Variants in TCF24 observed in about 807,000 individuals in gnomAD.
TCF24 encodes transcription factor 24.
A neutral mutation model predicts 9.3 loss-of-function variants in TCF24; 5 were observed. The observed-to-expected ratio is 0.54, with a 90% confidence interval of 0.28 to 1.13. The LOEUF is 1.13. Ranked by LOEUF, TCF24 falls within the 50% of genes most tolerant of loss-of-function variation. The pLI, the probability that TCF24 is intolerant of heterozygous loss-of-function variation, is 0.09. For synonymous variants in TCF24, 110 were observed against 115.8 expected (o/e 0.95, Z 0.32); for missense variants, 220 against 236.1 (o/e 0.93, Z 0.45).
chr8:66,953,342 C>T lies in TCF24; in HGVS notation c.391-5178G>A, dbSNP rs1434867037. ...CTTGTCTGTAAAGTATTTTATTTCT[C>T]CTTCACTTATGAAGCTTAGTTTGGC... On this transcript the variant is annotated intron_variant, in intron 3 of 3. Transcript: ENST00000563496. Among the ~76,000 whole-genome samples the T allele has an allele frequency of 8.7e-5, 13 of 150,178 alleles. No individual in the cohort carries two copies. The East Asian group carries it at 2.4e-3, about 27-fold the overall frequency.
rs532470741 is a variant in TCF24 at position 66,948,138 on chromosome 8, G to A, written c.417C>T (p.Tyr139=). ...VKKWPMRSRL[Y]IGATGQFLKH... ...TCAGAAACTGACCAGTAGCACCGAT[G>A]TACAATCTTGATCGCATGGGCCATT... Residue 139 remains tyrosine, a synonymous_variant, in exon 4 of 4, where the codon TAC becomes TAT. Coordinates refer to ENST00000563496, the MANE Select transcript of TCF24 (RefSeq NM_001193502.2). 4.8e-4 allele frequency: 740 copies of A among 1,533,398 alleles called. 3 individuals are homozygous for A. In the African/African-American group the frequency reaches 8.6e-3, roughly 18 times the overall value. The allele number at this position is 1,533,398 out of a possible 1,614,324, so 95.0% of individuals were successfully genotyped here.
chr8:66,957,348 C>T (rs756421194), intron 3 of TCF24, among the ~76,000 whole-genome samples: 3 of 141,882 alleles, frequency 2.1e-5, no homozygotes, highest in Non-Finnish European at 4.5e-5. Flanking sequence ...ACCCAGGAGG[C>T]GGAGGTTGCA....
rs1244289547 is a variant in TCF24, at chr8:66,961,753, G to T, written c.13C>A (p.Arg5Ser). The change falls in exon 3 of 4, where the codon CGC (arginine) becomes AGC (serine). Residue 5 changes from arginine to serine, a missense_variant. By Grantham distance (110) the Arg-to-Ser change is moderately radical (BLOSUM62 -1). Coordinates refer to ENST00000563496, the MANE Select transcript of TCF24 (RefSeq NM_001193502.2). ...GCGCTGAGGGGGCTGCCCGCTGGGC[G>T]GCCGCGGTCCATGGCAGCTTCCCGC... MDRG[R>S]PAGSPLSASA... 6.3e-6 allele frequency: 7 copies of T among 1,107,416 alleles called. No individual in the cohort carries two copies. The highest frequency in any genetic ancestry group is 7.7e-6 in the Non-Finnish European group (7 of 908,866). 68.6% of individuals were successfully genotyped at this position (1,107,416 alleles called of 1,614,324 possible).
Position 66,946,572 on chromosome 8 carries a change from A to G in TCF24, c.*1479T>C, listed in dbSNP as rs2130895229. 1 of 152,292 alleles carries G rather than the reference A, an allele frequency of 6.6e-6. No individual in the cohort carries two copies. Among genetic ancestry groups the G allele is most frequent in the East Asian group, 1.9e-4 (1 of 5,182 alleles). The allele number at this position is 152,292 out of a possible 1,614,324, so 9.4% of individuals were successfully genotyped here. A position where few individuals can be genotyped will look rare whatever the true frequency, so the allele number is the denominator to read the frequency against. On this transcript the variant is annotated 3_prime_UTR_variant, in exon 4 of 4. Coordinates refer to ENST00000563496, the MANE Select transcript of TCF24 (RefSeq NM_001193502.2). The stretch of plus-strand genomic sequence containing the variant: ...CCATTCACCATTAAAGCATTAAAAG[A>G]GCATGCTCTTTTGAATCTGAGTGAA...
intron 3 of TCF24, among the ~76,000 whole-genome samples, chr8:66,951,457 GGATAAGCTTTTT>G (rs1814057761): frequency 6.7e-6 from 1 of 149,036 alleles, no homozygotes; most frequent in African/African-American, 2.5e-5. Context: ...TGATCATGGT[GGATAAGCTTTTT>G]GATGTGCTGC....
intron 3 of TCF24, among the ~76,000 whole-genome samples, chr8:66,959,355 C>G (rs761740323): frequency 3.3e-5 from 5 of 152,074 alleles, no homozygotes; most frequent in Non-Finnish European, 1.5e-5. Flanking sequence ...TTATAATGAG[C>G]CTTTAGTTGA....
intron 3 of TCF24, among the ~76,000 whole-genome samples, chr8:66,949,483 T>C (rs887028006): frequency 1.4e-4 from 21 of 152,370 alleles, no homozygotes; most frequent in African/African-American, 5.1e-4. Context: ...ATGTGACAAA[T>C]TTTCTTAATC....
Position 66,961,370 on chromosome 8 carries a change from G to T in TCF24, c.390+6C>A. 6.8e-7 allele frequency: 1 copy of T among 1,473,100 alleles called. No homozygotes were observed. Among genetic ancestry groups the T allele is most frequent in the Non-Finnish European group, 8.9e-7 (1 of 1,118,912 alleles). 91.3% of individuals were successfully genotyped at this position (1,473,100 alleles called of 1,614,324 possible). On this transcript the variant is annotated splice_donor_region_variant and intron_variant, in intron 3 of 3. Coordinates refer to ENST00000563496, the MANE Select transcript of TCF24 (RefSeq NM_001193502.2). Reference sequence around the variant, plus strand: ...CCCAGCCCCGCGGTGCGCCCCGCCCGCTTACCTTGACCGGGTGCAGGTAGC... The same window carrying T: ...CCCAGCCCCGCGGTGCGCCCCGCCCTCTTACCTTGACCGGGTGCAGGTAGC...
At chr8:66,952,758 G>A (rs1384078929) in intron 3 of TCF24, among the ~76,000 whole-genome samples, 1 of 151,616 alleles carries the variant, frequency 6.6e-6, no homozygotes, top group Non-Finnish European at 1.5e-5. Context: ...CTCAGGACTT[G>A]CTTTATGAAT....
At chr8:66,960,108 A>G (rs918796845) in intron 3 of TCF24, among the ~76,000 whole-genome samples, 1 of 152,206 alleles carries the variant, frequency 6.6e-6, no homozygotes, top group African/African-American at 2.4e-5. Context: ...TTTAATATTA[A>G]TGGTATATTC....
At chr8:66,956,226 C>T (rs894383255) in intron 3 of TCF24, among the ~76,000 whole-genome samples, 1 of 152,190 alleles carries the variant, frequency 6.6e-6, no homozygotes, top group Non-Finnish European at 1.5e-5. Context: ...TCCCAAAGTG[C>T]TGGGATTACA....
intron 3 of TCF24, among the ~76,000 whole-genome samples, chr8:66,959,228 C>CA (rs1168747156): frequency 6.6e-6 from 1 of 152,168 alleles, no homozygotes; most frequent in African/African-American, 2.4e-5. Flanking sequence ...ACTGATGATT[C>CA]AAAATAATGG....
chr8:66,953,839 ATTCAT>A (rs1166732182), intron 3 of TCF24, among the ~76,000 whole-genome samples: 1 of 151,436 alleles, frequency 6.6e-6, no homozygotes, highest in African/African-American at 2.4e-5. Flanking sequence ...GCTTCATTTC[ATTCAT>A]TTCATCTTCC....
chr8:66,949,103 TTTC>T (rs1330864318), intron 3 of TCF24, among the ~76,000 whole-genome samples: 1 of 152,172 alleles, frequency 6.6e-6, no homozygotes, highest in Non-Finnish European at 1.5e-5. Flanking sequence ...GCTCTTTTTT[TTTC>T]TTTTTTTTTT....
intron 3 of TCF24, among the ~76,000 whole-genome samples, chr8:66,957,203 G>A (rs1277468505): frequency 1.3e-5 from 2 of 150,890 alleles, no homozygotes; most frequent in African/African-American, 4.9e-5. Context: ...GATCACCTGA[G>A]GTCAGGAATT....
In TCF24 at chr8:66,946,985, A is replaced by T. The variant is rs1300431306; in HGVS notation, c.*1066T>A. 6.6e-6 allele frequency: 1 copy of T among 152,184 alleles called. No individual in the cohort carries two copies. Among genetic ancestry groups the T allele is most frequent in the Non-Finnish European group, 1.5e-5 (1 of 68,028 alleles). 9.4% of individuals were successfully genotyped at this position (152,184 alleles called of 1,614,324 possible). ...CCTTAGGATAAAGATTCTTTTTAGC[A>T]CTTCTTATGTCAATAACTTATAATA... is the stretch of plus-strand genomic sequence containing the variant. On this transcript the variant is annotated 3_prime_UTR_variant, in exon 4 of 4. Coordinates refer to ENST00000563496, the MANE Select transcript of TCF24 (RefSeq NM_001193502.2).
chr8:66,949,828 G>C (rs1814027739), intron 3 of TCF24, among the ~76,000 whole-genome samples: 1 of 144,300 alleles, frequency 6.9e-6, no homozygotes. Flanking sequence ...TCTCATTGTG[G>C]TTTTGATTTG....
chr8:66,959,703 T>A (rs986144454), intron 3 of TCF24, among the ~76,000 whole-genome samples: 4 of 152,258 alleles, frequency 2.6e-5, no homozygotes, highest in African/African-American at 9.6e-5. Context: ...AAATGTTTGA[T>A]TTTAAAACAT....
At chr8:66,954,134 G>C (rs1474340189) in intron 3 of TCF24, among the ~76,000 whole-genome samples, 1 of 152,192 alleles carries the variant, frequency 6.6e-6, no homozygotes, top group Non-Finnish European at 1.5e-5. Flanking sequence ...TTCCGTTGCT[G>C]GTGAGGAACT....
Sources: gnomAD v4.1 joint callset for allele counts (sites outside exome capture counted in the v4.1 genomes callset) on GRCh38, gnomAD v4.1.1 for gene constraint, MANE v1.5 for transcripts, NCBI Gene and HGNC (gene_info 2026-07-23, HGNC 2026-07-21) for gene names.